The following SH3KBP1 variants were observed in gnomAD, a reference collection of about 807,000 sequenced individuals.
SH3KBP1 encodes SH3 domain containing kinase binding protein 1.
Under a neutral mutation model 50.1 loss-of-function variants are expected in SH3KBP1, and 8 were observed. The observed-to-expected ratio is 0.16, with a 90% CI of 0.09 to 0.29. SH3KBP1 has a LOEUF of 0.29. Among genes scored for constraint, SH3KBP1 ranks in the 10% least tolerant of loss-of-function variants. The pLI is 1.00. For synonymous variants in SH3KBP1, 227 were observed against 218.6 expected, an observed-to-expected ratio of 1.04 and a Z score of -0.34; for missense variants, 377 against 535.2, an observed-to-expected ratio of 0.70 and a Z score of 2.92.
intron 2 of SH3KBP1, among the ~76,000 whole-genome samples, chrX:19,812,030 A>G (rs2067221912): frequency 1.8e-5 from 2 of 111,870 alleles, no homozygotes; most frequent in Admixed American, 1.9e-4. Context: ...ACCTGCCTCT[A>G]GAAACCCAGG....
chrX:19,761,380 A>G (rs1334403926), intron 2 of SH3KBP1, among the ~76,000 whole-genome samples: 1 of 80,642 alleles, frequency 1.2e-5, no homozygotes, highest in Non-Finnish European at 2.4e-5. Flanking sequence ...GGGAGGGGGG[A>G]GAGAGAGGGA....
chrX:19,871,716 A>G (rs1049666509), intron 1 of SH3KBP1, among the ~76,000 whole-genome samples: 1 of 111,646 alleles, frequency 9.0e-6, no homozygotes, highest in African/African-American at 3.3e-5. Flanking sequence ...TGGGGGTTCT[A>G]GCCACCCTTA....
At chrX:19,832,970 C>T (rs185476125) in intron 2 of SH3KBP1, among the ~76,000 whole-genome samples, 1 of 112,624 alleles carries the variant, frequency 8.9e-6, no homozygotes, top group East Asian at 2.8e-4. Flanking sequence ...ATTCCATAGG[C>T]TTTCTCAGTG....
chrX:19,609,525 A>G (rs928131261), intron 8 of SH3KBP1, among the ~76,000 whole-genome samples: 13 of 111,971 alleles, frequency 1.2e-4, no homozygotes, highest in Non-Finnish European at 2.3e-4. Context: ...AAACCTGCTG[A>G]TAACACATAA....
intron 1 of SH3KBP1, among the ~76,000 whole-genome samples, chrX:19,857,328 G>A (rs1385702359): frequency 1.8e-5 from 2 of 110,695 alleles, no homozygotes; most frequent in African/African-American, 6.6e-5. Context: ...GAGGCTGCAG[G>A]TGGCAGGAAC....
intron 2 of SH3KBP1, among the ~76,000 whole-genome samples, chrX:19,774,166 T>C (rs1183854208): frequency 9.0e-6 from 1 of 111,406 alleles, no homozygotes; most frequent in Non-Finnish European, 1.9e-5. Flanking sequence ...TATAGGGTCT[T>C]TTTTGACTGT....
intron 2 of SH3KBP1, among the ~76,000 whole-genome samples, chrX:19,834,250 C>T (rs892038405): frequency 1.8e-5 from 2 of 112,328 alleles, no homozygotes; most frequent in African/African-American, 6.5e-5. Context: ...AAACCCCTCC[C>T]ACCCAGCCCT....
In SH3KBP1 at chrX:19,538,861, A is replaced by G. The variant is rs189141073; in HGVS notation, c.1893-1081T>C. 9.1e-4 allele frequency among the ~76,000 whole-genome samples: 102 copies of G among 112,388 alleles called. 2 individuals carry two copies. Among genetic ancestry groups the G allele is most frequent in the Admixed American group, 4.4e-3 (47 of 10,602 alleles). On this transcript the variant is annotated intron_variant, in intron 16 of 17. Transcript: ENST00000397821. Reference sequence around the variant, plus strand: ...CTCAGCCTCCCAAAGTGCTAGGATTACAGGCGTAAGCCACCGCACCTGGCC... The same window carrying G: ...CTCAGCCTCCCAAAGTGCTAGGATTGCAGGCGTAAGCCACCGCACCTGGCC...
chrX:19,749,968 A>G (rs1435953744), intron 2 of SH3KBP1, among the ~76,000 whole-genome samples: 1 of 111,928 alleles, frequency 8.9e-6, no homozygotes, highest in Non-Finnish European at 1.9e-5. Flanking sequence ...AGACACCCAC[A>G]CAAGACCCAG....
rs181462168 is a variant in SH3KBP1, at chrX:19,570,045, C to T, written c.1299-857G>A. On this transcript the variant is annotated intron_variant, in intron 12 of 17. Transcript: ENST00000397821. ...AAGTAACAGAAATAGTCCATCTCAC[C>T]GCCCCGAAGGCCACCATGGCCTGAA... Among the ~76,000 whole-genome samples, 915 of 112,007 alleles carry T rather than the reference C, an allele frequency of 8.2e-3. 15 individuals carry two copies. The highest frequency in any genetic ancestry group is 0.027 in the African/African-American group (840 of 30,856).
At chrX:19,630,070 T>C (rs1389864615) in intron 8 of SH3KBP1, among the ~76,000 whole-genome samples, 4 of 112,277 alleles carry the variant, frequency 3.6e-5, no homozygotes, top group African/African-American at 1.3e-4. Flanking sequence ...TGATATGTAT[T>C]CAAATGGAAG....
At chrX:19,785,363 C>CAA (rs373801274) in intron 2 of SH3KBP1, among the ~76,000 whole-genome samples, 1 of 84,752 alleles carries the variant, frequency 1.2e-5, no homozygotes, top group Non-Finnish European at 2.4e-5. Flanking sequence ...ACAAAAAATA[C>CAA]AAAAAAAAAA....
intron 13 of SH3KBP1, among the ~76,000 whole-genome samples, chrX:19,551,947 A>G (rs2065254803): frequency 8.9e-6 from 1 of 111,773 alleles, no homozygotes; most frequent in South Asian, 3.7e-4. Flanking sequence ...TATAATTTTT[A>G]AAAAACAAAA....
intron 3 of SH3KBP1, among the ~76,000 whole-genome samples, chrX:19,722,569 GGTGTGTGTGTGTGTGT>G (rs55675573): frequency 3.4e-4 from 29 of 84,239 alleles, no homozygotes; most frequent in Admixed American, 9.3e-4. Context: ...CGTGCGCACT[GGTGTGTGTGTGTGTGT>G]GTGTGTGTGT....
In SH3KBP1 at chrX:19,554,094, ATAT is replaced by A. The variant is rs374703622; in HGVS notation, c.1385-4014_1385-4012del. Among the ~76,000 whole-genome samples, 564 of 58,055 alleles carry A rather than the reference ATAT, an allele frequency of 9.7e-3. 13 individuals carry two copies. Among genetic ancestry groups the A allele is most frequent in the African/African-American group, 0.021 (245 of 11,542 alleles). 50.4% of individuals were successfully genotyped at this position (58,055 alleles called of 115,157 possible). On this transcript the variant is annotated intron_variant, in intron 13 of 17. Coordinates refer to ENST00000397821, the MANE Select transcript of SH3KBP1 (RefSeq NM_031892.3). ...AATACATTATATATATTAAAATATA[ATAT>A]TATATATCATATTAAAATATAATAT... is the stretch of plus-strand genomic sequence containing the variant.
chrX:19,821,829 T>C (rs138781955), intron 2 of SH3KBP1, among the ~76,000 whole-genome samples: 1,542 of 112,567 alleles, frequency 0.014, 11 homozygotes, highest in Non-Finnish European at 0.023. Context: ...GTGCCCAGCC[T>C]AAAAAACTTT....
At chrX:19,822,393 G>A (rs1342150602) in intron 2 of SH3KBP1, among the ~76,000 whole-genome samples, 1 of 111,980 alleles carries the variant, frequency 8.9e-6, no homozygotes, top group Non-Finnish European at 1.9e-5. Context: ...GACTAAGTAA[G>A]TTTCATTGAT....
At chrX:19,804,890 C>G (rs867887895) in intron 2 of SH3KBP1, among the ~76,000 whole-genome samples, 5 of 82,982 alleles carry the variant, frequency 6.0e-5, no homozygotes, top group Admixed American at 1.3e-4. Flanking sequence ...CTACCCCCCC[C>G]CCCCCACCCG....
At position 19,837,810 on chromosome X, in the gene SH3KBP1, T is replaced by G. The variant is rs766136011; in HGVS notation, c.5-1528A>C. ...AATGGCAAATGAATGAATACAAGGA[T>G]AGCAAAAATTAGATAAATCCCCAGT... On this transcript the variant is annotated intron_variant, in intron 1 of 17. Transcript: ENST00000397821. Among the ~76,000 whole-genome samples the G allele has an allele frequency of 7.2e-5, 8 of 111,356 alleles. No homozygotes were observed. In the East Asian group the frequency reaches 2.2e-3, roughly 31 times the overall value.
Sources: gnomAD v4.1 joint callset for allele counts (sites outside exome capture counted in the v4.1 genomes callset) on GRCh38, gnomAD v4.1.1 for gene constraint, MANE v1.5 for transcripts, NCBI Gene and HGNC (gene_info 2026-07-23, HGNC 2026-07-21) for gene names.